KIF26B: variants seen among roughly 807,000 people sequenced by gnomAD.
KIF26B encodes kinesin family member 26B.
In KIF26B, 63 loss-of-function variants were observed where a neutral mutation model predicts 151.2. The observed-to-expected ratio is 0.42, with a 90% CI of 0.34 to 0.51. The LOEUF (loss-of-function observed/expected upper bound fraction) is 0.51. KIF26B is among the 20% of genes least tolerant of loss of function. The pLI, the probability that KIF26B is intolerant of heterozygous loss-of-function variation, is 0.07. For synonymous variants in KIF26B, 1,357 were observed against 1,262.1 expected (o/e 1.08, Z -1.59); for missense variants, 2,813 against 2,913.6 (o/e 0.97, Z 0.79).
At chr1:245,424,292 G>A (rs1245411799) in intron 4 of KIF26B, among the ~76,000 whole-genome samples, 2 of 152,092 alleles carry the variant, frequency 1.3e-5, no homozygotes, top group South Asian at 4.1e-4. Context: ...AAGATTACAG[G>A]TGTGCACCAC....
intron 4 of KIF26B, among the ~76,000 whole-genome samples, chr1:245,478,624 G>T (rs1163904712): frequency 4.0e-5 from 6 of 151,540 alleles, no homozygotes; most frequent in Non-Finnish European, 5.9e-5. Flanking sequence ...CACCGTGTTA[G>T]CCAGGATGGT....
chr1:245,318,296 C>T lies in KIF26B; in HGVS notation c.466-48538C>T, dbSNP rs12564431. ...CATTGCTTGGGGGGTAAAGGCAATA[C>T]AAGGAATGACTGGCAAATACAGGTG... is the stretch of plus-strand genomic sequence containing the variant. On this transcript the variant is annotated intron_variant, in intron 2 of 14. Transcript: ENST00000407071. The surrounding 1 kb of genome is among the most constrained non-coding windows in gnomAD (Gnocchi z 4.0). 0.21 allele frequency among the ~76,000 whole-genome samples: 32,688 copies of T among 152,040 alleles called. 4,764 individuals carry two copies. The highest frequency in any genetic ancestry group is 0.38 in the African/African-American group (15,590 of 41,450).
At chr1:245,177,569 A>G (rs971438228) in intron 2 of KIF26B, among the ~76,000 whole-genome samples, 24 of 152,114 alleles carry the variant, frequency 1.6e-4, no homozygotes, top group Admixed American at 1.4e-3. Flanking sequence ...GATCTCTGCA[A>G]ATGAAGTTGC....
At chr1:245,576,751 C>T (rs553577644) in intron 5 of KIF26B, among the ~76,000 whole-genome samples, 2 of 152,212 alleles carry the variant, frequency 1.3e-5, no homozygotes, top group Non-Finnish European at 2.9e-5. Flanking sequence ...TGGCCTTTTT[C>T]TGTCTGGCAC....
chr1:245,378,009 A>T (rs1020003979), intron 3 of KIF26B, among the ~76,000 whole-genome samples: 1 of 152,178 alleles, frequency 6.6e-6, no homozygotes, highest in African/African-American at 2.4e-5. Flanking sequence ...TTCTGAACTT[A>T]CAGAATACCT....
At chr1:245,390,939 A>C (rs796156616) in intron 3 of KIF26B, among the ~76,000 whole-genome samples, 3 of 132,134 alleles carry the variant, frequency 2.3e-5, no homozygotes, top group South Asian at 2.2e-4. Flanking sequence ...AAAAAAAAAA[A>C]AAAAAAAAAA....
intron 4 of KIF26B, among the ~76,000 whole-genome samples, chr1:245,424,591 A>G (rs966654082): frequency 1.3e-5 from 2 of 152,178 alleles, no homozygotes; most frequent in Non-Finnish European, 2.9e-5. Context: ...ATAAAATAAG[A>G]ATTTCAATTT....
chr1:245,577,693 G>A (rs930655257), intron 5 of KIF26B, among the ~76,000 whole-genome samples: 29 of 144,984 alleles, frequency 2.0e-4, no homozygotes, highest in Non-Finnish European at 3.3e-4. Flanking sequence ...GTGGAACTCC[G>A]GGCGATGCAT....
In KIF26B at chr1:245,688,637, A is replaced by G; in HGVS notation, c.5654A>G (p.Lys1885Arg). ...GGGGAGCTCCCGCCGGCCATGGGGA[A>G]GACGGCCCTGTTCTACCACAGCGGC... is the stretch of plus-strand genomic sequence containing the variant. ...LSGELPPAMG[K>R]TALFYHSGGS... The change falls in exon 12 of 15, where the codon AAG becomes AGG. Residue 1885 changes from lysine (K) to arginine (R), a missense_variant. This residue lies in a region of KIF26B where 2,060 missense variants were observed against 2,088.6 expected (regional missense o/e 0.99). Transcript: ENST00000407071. 18 of 1,601,944 alleles carry G rather than the reference A, an allele frequency of 1.1e-5. No individual in the cohort carries two copies. Among genetic ancestry groups the G allele is most frequent in the Non-Finnish European group, 1.4e-5 (17 of 1,175,738 alleles).
intron 4 of KIF26B, among the ~76,000 whole-genome samples, chr1:245,515,741 C>T (rs1406793158): frequency 6.6e-6 from 1 of 152,162 alleles, no homozygotes; most frequent in Admixed American, 6.5e-5. Context: ...GGGCTAGAAC[C>T]TCTGATGGTT....
intron 2 of KIF26B, among the ~76,000 whole-genome samples, chr1:245,260,882 T>A (rs1276333957): frequency 6.6e-6 from 1 of 151,846 alleles, no homozygotes; most frequent in Non-Finnish European, 1.5e-5. Context: ...CCTTCTTGTC[T>A]TTTAGCCTAG....
intron 4 of KIF26B, among the ~76,000 whole-genome samples, chr1:245,426,214 C>CCCTTCTTTCCTCCCTT (rs1203509355): frequency 7.2e-5 from 11 of 151,884 alleles, no homozygotes; most frequent in Middle Eastern, 3.4e-3. Context: ...CCTCCTCCCT[C>CCCTTCTTTCCTCCCTT]CCTTCTTTCC....
chr1:245,517,216 G>A (rs974135415), intron 4 of KIF26B, among the ~76,000 whole-genome samples: 6 of 152,144 alleles, frequency 3.9e-5, no homozygotes, highest in Non-Finnish European at 8.8e-5. Flanking sequence ...AACATTAGCC[G>A]GGCGTGGTGA....
At chr1:245,363,541 A>G (rs1209278230) in intron 2 of KIF26B, among the ~76,000 whole-genome samples, 1 of 152,142 alleles carries the variant, frequency 6.6e-6, no homozygotes, top group African/African-American at 2.4e-5. Context: ...CCCTTAAAGC[A>G]GTATCTTCTT....
At chr1:245,411,295 T>A (rs1056325011) in intron 3 of KIF26B, among the ~76,000 whole-genome samples, 6 of 152,100 alleles carry the variant, frequency 3.9e-5, no homozygotes, top group Non-Finnish European at 4.4e-5. Context: ...GAAGTCTAAA[T>A]GGATCAACAA....
chr1:245,175,726 T>G (rs1348096880), intron 2 of KIF26B, among the ~76,000 whole-genome samples: 1 of 152,116 alleles, frequency 6.6e-6, no homozygotes, highest in Non-Finnish European at 1.5e-5. Context: ...TGATCTCTTT[T>G]ATTGTAATCA....
At chr1:245,181,017 C>T (rs1668897035) in intron 2 of KIF26B, among the ~76,000 whole-genome samples, 1 of 152,038 alleles carries the variant, frequency 6.6e-6, no homozygotes, top group Admixed American at 6.6e-5. Context: ...TGTGACAGAC[C>T]CTGTCAGACA....
In KIF26B at chr1:245,367,462, C is replaced by T. The variant is rs1175128817; in HGVS notation, c.999+95C>T. The T allele has an allele frequency of 1.7e-6, 2 of 1,173,762 alleles. No homozygotes were observed. Among genetic ancestry groups the T allele is most frequent in the Non-Finnish European group, 2.4e-6 (2 of 848,126 alleles). The allele number at this position is 1,173,762 out of a possible 1,614,324, so 72.7% of individuals were successfully genotyped here. A position where few individuals can be genotyped will look rare whatever the true frequency, so the allele number is the denominator to read the frequency against. On this transcript the variant is annotated intron_variant, in intron 3 of 14. Coordinates refer to ENST00000407071, the MANE Select transcript of KIF26B (RefSeq NM_018012.4). The surrounding 1 kb of genome is among the most constrained non-coding windows in gnomAD (Gnocchi z 4.2). ...CCTTCCGCTGCCTCCTCCCGGGAAC[C>T]CTGTAACTCAGAGCCCAGTGTTTCC... is the stretch of plus-strand genomic sequence containing the variant.
At chr1:245,285,934 G>T (rs76194665) in intron 2 of KIF26B, among the ~76,000 whole-genome samples, 11,674 of 150,160 alleles carry the variant, frequency 0.078, 566 homozygotes, top group Middle Eastern at 0.12. Flanking sequence ...AGGATTTCAA[G>T]GCTGCAGTGA....
Sources: allele counts gnomAD v4.1 joint callset (sites outside exome capture counted in the v4.1 genomes callset), GRCh38; gene constraint gnomAD v4.1.1; regional missense constraint gnomAD v4.1.1; non-coding constraint Gnocchi (gnomAD v3.1); transcripts MANE v1.5; gene names NCBI Gene and HGNC (gene_info 2026-07-23, HGNC 2026-07-21).